Variants in PRKCQ observed in about 807,000 individuals in gnomAD.
PRKCQ encodes the protein protein kinase C theta type.
A neutral mutation model predicts 91.2 loss-of-function variants in PRKCQ; 41 were observed. The ratio of observed to expected loss-of-function variants is 0.45; its 90% CI spans 0.35 to 0.58. The LOEUF (loss-of-function observed/expected upper bound fraction) is 0.58. Among genes scored for constraint, PRKCQ ranks in the 20% least tolerant of loss-of-function variants. The pLI is 0.00. For synonymous variants in PRKCQ, 307 were observed against 316.9 expected (o/e 0.97, Z 0.33); for missense variants, 673 against 896.5 (o/e 0.75, Z 3.18).
chr10:6,461,254 C>G (rs971337614), intron 14 of PRKCQ, among the ~76,000 whole-genome samples: 1 of 152,032 alleles, frequency 6.6e-6, no homozygotes, highest in Non-Finnish European at 1.5e-5. Flanking sequence ...TCCATTCATC[C>G]AACCATCTGT....
intron 1 of PRKCQ, among the ~76,000 whole-genome samples, chr10:6,520,450 C>A (rs1838957268): frequency 6.6e-6 from 1 of 152,230 alleles, no homozygotes. Flanking sequence ...AATCTCCATG[C>A]TCCAGCCTGA....
At chr10:6,555,438 A>C (rs995008354) in intron 1 of PRKCQ, among the ~76,000 whole-genome samples, 2 of 152,210 alleles carry the variant, frequency 1.3e-5, no homozygotes, top group Non-Finnish European at 2.9e-5. Flanking sequence ...TATTTCAGAC[A>C]ACAGACATTC....
At chr10:6,454,900 G>A (rs769495151) in intron 15 of PRKCQ, among the ~76,000 whole-genome samples, 5 of 152,186 alleles carry the variant, frequency 3.3e-5, no homozygotes, top group Non-Finnish European at 1.5e-5. Context: ...AAGCTGCAGA[G>A]AGAAGCAAGC....
chr10:6,577,889 G>T (rs916880008), intron 1 of PRKCQ, among the ~76,000 whole-genome samples: 6 of 151,844 alleles, frequency 4.0e-5, no homozygotes, highest in Non-Finnish European at 8.8e-5. Context: ...CTGAATCCCC[G>T]AAGTTACATA....
At chr10:6,442,684 G>A (rs967045613) in intron 15 of PRKCQ, among the ~76,000 whole-genome samples, 6 of 152,128 alleles carry the variant, frequency 3.9e-5, no homozygotes, top group African/African-American at 1.4e-4. Flanking sequence ...AATCTAGGCC[G>A]GGTGCAGTGG....
intron 1 of PRKCQ, among the ~76,000 whole-genome samples, chr10:6,579,321 T>C (rs1219946869): frequency 1.3e-5 from 2 of 152,160 alleles, no homozygotes; most frequent in Non-Finnish European, 2.9e-5. Context: ...CCCCTCAGCC[T>C]GTGCCACTCC....
At chr10:6,572,136 C>T (rs761537839) in intron 1 of PRKCQ, among the ~76,000 whole-genome samples, 9 of 152,182 alleles carry the variant, frequency 5.9e-5, no homozygotes, top group Admixed American at 1.3e-4. Context: ...CCATCGCTCC[C>T]TCTTCCTTCT....
intron 1 of PRKCQ, among the ~76,000 whole-genome samples, chr10:6,572,212 T>G (rs148062287): frequency 6.6e-6 from 1 of 152,314 alleles, no homozygotes; most frequent in East Asian, 1.9e-4. Context: ...GCCATAGGTA[T>G]GTAATTTTCT....
chr10:6,410,013 C>A, the PRKCQ span, among the ~76,000 whole-genome samples: 1 of 152,198 alleles, frequency 6.6e-6, no homozygotes, highest in Non-Finnish European at 1.5e-5. Flanking sequence ...AGAAGATTGG[C>A]AGAAGCTCAT....
At chr10:6,552,639 T>C (rs944094551) in intron 1 of PRKCQ, among the ~76,000 whole-genome samples, 1 of 152,100 alleles carries the variant, frequency 6.6e-6, no homozygotes, top group Non-Finnish European at 1.5e-5. Context: ...AGTTTCTTTT[T>C]TATTTTTTGT....
intron 1 of PRKCQ, among the ~76,000 whole-genome samples, chr10:6,538,233 G>A (rs563311378): frequency 2.0e-5 from 3 of 152,388 alleles, no homozygotes; most frequent in South Asian, 2.1e-4. Flanking sequence ...GCCAGGACTG[G>A]AGCCTGGAGG....
the PRKCQ span, among the ~76,000 whole-genome samples, chr10:6,396,004 G>A: frequency 7.9e-5 from 12 of 152,112 alleles, no homozygotes; most frequent in Admixed American, 3.3e-4. Context: ...CTCAAGCAGT[G>A]AGACTTCCTA....
At chr10:6,418,371 C>G in the PRKCQ span, among the ~76,000 whole-genome samples, 1 of 152,192 alleles carries the variant, frequency 6.6e-6, no homozygotes, top group Non-Finnish European at 1.5e-5. Context: ...CGTGCTCCTT[C>G]ATGGCAGAGA....
chr10:6,394,655 G>C, the PRKCQ span, among the ~76,000 whole-genome samples: 4 of 144,376 alleles, frequency 2.8e-5, no homozygotes, highest in African/African-American at 1.1e-4. Flanking sequence ...TCCACGGTGG[G>C]TCAGCTGTTG....
At chr10:6,452,828 T>C (rs934050986) in intron 15 of PRKCQ, among the ~76,000 whole-genome samples, 11 of 147,738 alleles carry the variant, frequency 7.4e-5, no homozygotes, top group Admixed American at 1.4e-4. Flanking sequence ...GGGGAAAGGA[T>C]TCCCTATTTA....
At chr10:6,433,404 C>T (rs910813199) in intron 16 of PRKCQ, among the ~76,000 whole-genome samples, 1 of 152,184 alleles carries the variant, frequency 6.6e-6, no homozygotes, top group South Asian at 2.1e-4. Flanking sequence ...ATATCTATTC[C>T]TTACAGAAGC....
At chr10:6,556,020 AAAC>A (rs201366518) in intron 1 of PRKCQ, among the ~76,000 whole-genome samples, 7 of 152,264 alleles carry the variant, frequency 4.6e-5, no homozygotes, top group Middle Eastern at 3.4e-3. Flanking sequence ...AAAAACCAAC[AAAC>A]AACAACAACA....
chr10:6,549,180 G>C (rs1840087871), intron 1 of PRKCQ, among the ~76,000 whole-genome samples: 2 of 152,190 alleles, frequency 1.3e-5, no homozygotes, highest in Non-Finnish European at 2.9e-5. Flanking sequence ...CACAAAATAA[G>C]TGTCCTGGGT....
rs1216070020 is a variant in PRKCQ, at chr10:6,430,960, G to A, written c.1837-22C>T. On this transcript the variant is annotated intron_variant, in intron 16 of 17. Coordinates refer to ENST00000263125, the MANE Select transcript of PRKCQ (RefSeq NM_006257.5). The surrounding 1 kb of genome is among the most constrained non-coding windows in gnomAD (Gnocchi z 4.7). ...AGAGCTGAAAGGGAGCAGAGCAGGA[G>A]CCCTGAGGTCTCCAGGGATGACCCT... 6 of 1,612,294 alleles carry A rather than the reference G, an allele frequency of 3.7e-6. No homozygotes were observed. Among genetic ancestry groups the A allele is most frequent in the Admixed American group, 3.3e-5 (2 of 59,904 alleles).
Sources: gnomAD v4.1 joint callset for allele counts (sites outside exome capture counted in the v4.1 genomes callset) on GRCh38, gnomAD v4.1.1 for gene constraint, Gnocchi (gnomAD v3.1) non-coding constraint, MANE v1.5 for transcripts, NCBI Gene and HGNC (gene_info 2026-07-23, HGNC 2026-07-21) for gene names.